The following SS18L1 variants were observed in gnomAD, a reference collection of about 807,000 sequenced individuals.
SS18L1 encodes calcium-responsive transactivator.
Under a neutral mutation model 70.3 loss-of-function variants are expected in SS18L1, and 32 were observed. The ratio of observed to expected loss-of-function variants is 0.46; its 90% CI spans 0.34 to 0.61. The LOEUF (loss-of-function observed/expected upper bound fraction) is 0.61, where lower values mean the gene tolerates loss of function less well. SS18L1 is among the 20% of genes least tolerant of loss of function. SS18L1 has a pLI of 0.01. For synonymous variants in SS18L1, 237 were observed against 229.7 expected (o/e 1.03, Z -0.29); for missense variants, 430 against 542.1 (o/e 0.79, Z 2.05).
intron 1 of SS18L1, among the ~76,000 whole-genome samples, chr20:62,157,876 C>CTG (rs147250445): frequency 6.6e-5 from 10 of 151,830 alleles, no homozygotes; most frequent in South Asian, 2.1e-4. Context: ...CCACGCCGGC[C>CTG]TGTGTGTGTG....
chr20:62,164,384 A>G, intron 7 of SS18L1, 138 bp downstream of exon 7: 1 of 936,676 alleles, frequency 1.1e-6, no homozygotes, highest in East Asian at 2.7e-5. Flanking sequence ...CTACAGGCAG[A>G]GTGGCCAGAC....
In SS18L1 at chr20:62,159,822, C is replaced by A; in HGVS notation, c.147-55C>A. The A allele has an allele frequency of 1.3e-6, 2 of 1,554,682 alleles. No individual in the cohort carries two copies. The highest frequency in any genetic ancestry group is 2.3e-5 in the South Asian group (2 of 87,360). ...ACACTTTACTTCTGCCTTGGATCCA[C>A]GTGGGGACTCTGTGGTCCCGTCGTC... is the stretch of plus-strand genomic sequence containing the variant. On this transcript the variant is annotated intron_variant, in intron 2 of 10. Transcript: ENST00000331758. This position sits in a 1 kb window ranked among gnomAD's most constrained non-coding sequence, Gnocchi z 4.4.
At chr20:62,156,805 G>C (rs2057231318) in intron 1 of SS18L1, among the ~76,000 whole-genome samples, 2 of 152,218 alleles carry the variant, frequency 1.3e-5, no homozygotes, top group South Asian at 4.1e-4. Context: ...CCTTGCCCTG[G>C]GGCTCCCCTG....
rs145609630 is a variant in SS18L1 at position 62,169,121 on chromosome 20, G to A, written c.917-3561G>A. 1.5e-3 allele frequency among the ~76,000 whole-genome samples: 233 copies of A among 152,342 alleles called. 1 individual carries two copies. Among genetic ancestry groups the A allele is most frequent in the Admixed American group, 1.9e-3 (29 of 15,308 alleles). On this transcript the variant is annotated intron_variant, in intron 8 of 10. Coordinates refer to ENST00000331758, the MANE Select transcript of SS18L1 (RefSeq NM_198935.3). ...CGTTCGCGTCACAGTGAGGTTTGCA[G>A]TGACGCATACTGGACAGAGCGCAGC...
intron 10 of SS18L1, among the ~76,000 whole-genome samples, chr20:62,177,209 C>A (rs1005907397): frequency 2.0e-5 from 3 of 151,472 alleles, no homozygotes; most frequent in Admixed American, 6.6e-5. Context: ...CAGATAGAGA[C>A]GGAGGTTGCA....
intron 1 of SS18L1, among the ~76,000 whole-genome samples, chr20:62,150,262 A>G (rs2057102952): frequency 6.6e-6 from 1 of 152,212 alleles, no homozygotes; most frequent in South Asian, 2.1e-4. Flanking sequence ...AGTCTGTAGT[A>G]TCGGCTTGCT....
At chr20:62,144,160 G>C (rs1316987035) in intron 1 of SS18L1, among the ~76,000 whole-genome samples, 1 of 151,220 alleles carries the variant, frequency 6.6e-6, no homozygotes, top group East Asian at 1.9e-4. Flanking sequence ...TGGGCGGTGG[G>C]GGCCGGGCGG....
intron 8 of SS18L1, among the ~76,000 whole-genome samples, chr20:62,170,007 T>G (rs67993732): frequency 0.1 from 15,431 of 152,188 alleles, 1,028 homozygotes; most frequent in South Asian, 0.23. Context: ...GGGGCCGCCT[T>G]GGCTGCGTCC....
intron 8 of SS18L1, among the ~76,000 whole-genome samples, chr20:62,167,512 A>T (rs2057457324): frequency 6.6e-6 from 1 of 151,840 alleles, no homozygotes; most frequent in African/African-American, 2.4e-5. Flanking sequence ...GTGAGTTGAG[A>T]TTGCACTACA....
intron 4 of SS18L1, 184 bp from the exon 5 acceptor site, chr20:62,162,568 T>G (rs1312954872): frequency 1.6e-6 from 1 of 618,528 alleles, no homozygotes; most frequent in Non-Finnish European, 2.7e-6. Flanking sequence ...CCTCCCAAAG[T>G]GCTGGGATTA....
At chr20:62,178,038 A>C (rs1328093403) in intron 10 of SS18L1, among the ~76,000 whole-genome samples, 2 of 65,884 alleles carry the variant, frequency 3.0e-5, no homozygotes, top group Non-Finnish European at 5.7e-5. Context: ...TTTTTTTTTT[A>C]AGACAGGGTC....
At chr20:62,152,218 C>T (rs890261072) in intron 1 of SS18L1, among the ~76,000 whole-genome samples, 9 of 152,188 alleles carry the variant, frequency 5.9e-5, no homozygotes, top group Admixed American at 2.0e-4. Flanking sequence ...GGTCTTCACC[C>T]GACTGGCCAC....
At chr20:62,163,140 A>G (rs898789267) in intron 5 of SS18L1, among the ~76,000 whole-genome samples, 6 of 152,144 alleles carry the variant, frequency 3.9e-5, no homozygotes, top group Non-Finnish European at 8.8e-5. Flanking sequence ...CCTGTCCCCC[A>G]GCTTTGCGAG....
intron 4 of SS18L1, 74 bp from the exon 5 acceptor site, chr20:62,162,678 T>A (rs2057350703): frequency 6.8e-7 from 1 of 1,479,340 alleles, no homozygotes; most frequent in African/African-American, 1.4e-5. Flanking sequence ...GAAGGGAAAT[T>A]GGGGTGTCTT....
At position 62,162,929 on chromosome 20, in the gene SS18L1, C is replaced by G. The variant is rs770796898; in HGVS notation, c.554C>G (p.Pro185Arg). The change falls in exon 5 of 11, where the codon CCA becomes CGA. Residue 185 changes from proline (P) to arginine (R), a missense_variant and splice_region_variant. Coordinates refer to ENST00000331758, the MANE Select transcript of SS18L1 (RefSeq NM_198935.3). ...ACCAACATCAACATGCAGTCCAACCCAGGTACCTACTCTGCCTCTGCAACC... is the reference window on the plus strand; with the variant it reads ...ACCAACATCAACATGCAGTCCAACCGAGGTACCTACTCTGCCTCTGCAACC... ...SRTNINMQSN[P>R]VSMMQQQAAT... 1.2e-6 allele frequency: 2 copies of G among 1,610,888 alleles called. No individual in the cohort carries two copies. Among genetic ancestry groups the G allele is most frequent in the African/African-American group, 1.4e-5 (1 of 73,782 alleles).
rs906429045 is a variant in SS18L1 at position 62,180,193 on chromosome 20, C to T, written c.*985C>T. The T allele has an allele frequency of 4.8e-6, 1 of 206,720 alleles. No homozygotes were observed. Among genetic ancestry groups the T allele is most frequent in the Non-Finnish European group, 9.9e-6 (1 of 101,464 alleles). The allele number at this position is 206,720 out of a possible 1,614,324, so 12.8% of individuals were successfully genotyped here. A position where few individuals can be genotyped will look rare whatever the true frequency, so the allele number is the denominator to read the frequency against. ...GGACCTACTTGCTCAGATCTCCAAG[C>T]AAGCATTTCTTTTCTTTTAGGGATG... is the stretch of plus-strand genomic sequence containing the variant. On this transcript the variant is annotated 3_prime_UTR_variant, in exon 11 of 11. Coordinates refer to ENST00000331758, the MANE Select transcript of SS18L1 (RefSeq NM_198935.3).
intron 1 of SS18L1, among the ~76,000 whole-genome samples, chr20:62,156,536 G>T (rs1344181135): frequency 2.6e-5 from 4 of 152,252 alleles, no homozygotes; most frequent in African/African-American, 9.6e-5. Flanking sequence ...AGAAAAAATA[G>T]AGCAGGAGAA....
Position 62,179,569 on chromosome 20 carries a change from C to A in SS18L1, c.*361C>A. The A allele has an allele frequency of 2.9e-6, 1 of 341,664 alleles. No individual in the cohort carries two copies. 21.2% of individuals were successfully genotyped at this position (341,664 alleles called of 1,614,324 possible). On this transcript the variant is annotated 3_prime_UTR_variant, in exon 11 of 11. Transcript: ENST00000331758. ...GGACAGATCTCGAGGACACCACAGT[C>A]CACCTGTTCCCGTCAACAGACGTTA...
At chr20:62,154,406 G>A (rs2057186111) in intron 1 of SS18L1, 2 of 1,046,118 alleles carry the variant, frequency 1.9e-6, no homozygotes, top group South Asian at 9.2e-5. Flanking sequence ...CGGCGGACTA[G>A]AATTTCTACG....
Sources: gnomAD v4.1 joint callset for allele counts (sites outside exome capture counted in the v4.1 genomes callset) on GRCh38, gnomAD v4.1.1 for gene constraint, Gnocchi (gnomAD v3.1) non-coding constraint, MANE v1.5 for transcripts, NCBI Gene and HGNC (gene_info 2026-07-23, HGNC 2026-07-21) for gene names.